Variants in ARID4B observed in about 807,000 individuals in gnomAD.
ARID4B encodes the protein AT-rich interaction domain 4B.
A neutral mutation model predicts 147.5 loss-of-function variants in ARID4B; 26 were observed. The observed-to-expected ratio is 0.18, with a 90% confidence interval of 0.13 to 0.24. The LOEUF is 0.24. Among genes scored for constraint, ARID4B ranks in the 10% least tolerant of loss-of-function variants. The probability of loss-of-function intolerance (pLI) is 1.00; values close to 1 mark genes in which losing one functional copy is unlikely to be tolerated. For synonymous variants in ARID4B, 512 were observed against 507.9 expected (o/e 1.01, Z -0.11); for missense variants, 1,179 against 1,511.5 (o/e 0.78, Z 3.65).
chr1:235,189,399 C>CAAAAAAAAA (rs11299121), intron 19 of ARID4B, among the ~76,000 whole-genome samples: 1 of 58,910 alleles, frequency 1.7e-5, no homozygotes, highest in African/African-American at 8.1e-5. Flanking sequence ...GACTCAGTCT[C>CAAAAAAAAA]AAAAAAAAAA....
chr1:235,320,314 G>A (rs1674737070), intron 2 of ARID4B, among the ~76,000 whole-genome samples: 1 of 151,970 alleles, frequency 6.6e-6, no homozygotes, highest in South Asian at 2.1e-4. Flanking sequence ...CAAAAGAAAA[G>A]GAGGGAGGGC....
chr1:235,295,645 A>G (rs774738159), intron 2 of ARID4B, among the ~76,000 whole-genome samples: 1 of 151,426 alleles, frequency 6.6e-6, no homozygotes, highest in Admixed American at 6.6e-5. Flanking sequence ...CCCTGACTCT[A>G]CTAAAAATAC....
In ARID4B at chr1:235,319,690, C is replaced by G. The variant is rs144312408; in HGVS notation, c.6+7224G>C. Among the ~76,000 whole-genome samples, 366 of 152,126 alleles carry G rather than the reference C, an allele frequency of 2.4e-3. 2 individuals carry two copies. The highest frequency in any genetic ancestry group is 7.5e-3 in the African/African-American group (310 of 41,494). ...CCAAGAATCCCATCTACCAACTAATCACAGCAAAAAGACTTTTTTAAAAAA... is the reference window on the plus strand; with the variant it reads ...CCAAGAATCCCATCTACCAACTAATGACAGCAAAAAGACTTTTTTAAAAAA... On this transcript the variant is annotated intron_variant, in intron 2 of 23. Transcript: ENST00000264183.
At chr1:235,222,045 GA>G (rs1164608952) in intron 13 of ARID4B, among the ~76,000 whole-genome samples, 1 of 151,632 alleles carries the variant, frequency 6.6e-6, no homozygotes, top group East Asian at 1.9e-4. Flanking sequence ...AAGTAGCTGG[GA>G]CTATAGATGC....
rs768600040 is a variant in ARID4B, at chr1:235,221,886, A to ATTTTTTTTTTTTTTTT, written c.1066-240_1066-225dup. ...TGTTGAAATATTAAGTCATTTGACT[A>ATTTTTTTTTTTTTTTT]TTTTTTTTTTTTTTTTTTTTTTTTT... On this transcript the variant is annotated intron_variant, in intron 13 of 23. Transcript: ENST00000264183. Among the ~76,000 whole-genome samples, 8 of 53,658 alleles carry ATTTTTTTTTTTTTTTT rather than the reference A, an allele frequency of 1.5e-4. 1 individual carries two copies. The highest frequency in any genetic ancestry group is 3.5e-4 in the African/African-American group (4 of 11,560). 35.2% of individuals were successfully genotyped at this position (53,658 alleles called of 152,430 possible).
At position 235,167,467 on chromosome 1, in the gene ARID4B, A is replaced by C. The variant is rs1663046550; in HGVS notation, c.*1058T>G. ...TACAAGTGAAAACAATTTTGCATTC[A>C]TTTTGGATTTTATACAAGGCATTTA... On this transcript the variant is annotated 3_prime_UTR_variant, in exon 24 of 24. Coordinates refer to ENST00000264183, the MANE Select transcript of ARID4B (RefSeq NM_016374.6). 1 of 222,466 alleles carries C rather than the reference A, an allele frequency of 4.5e-6. No individual in the cohort carries two copies. The highest frequency in any genetic ancestry group is 1.8e-4 in the South Asian group (1 of 5,440). The allele number at this position is 222,466 out of a possible 1,614,324, so 13.8% of individuals were successfully genotyped here.
chr1:235,221,674 A>G lies in ARID4B; in HGVS notation c.1066-12T>C. On this transcript the variant is annotated splice_polypyrimidine_tract_variant and intron_variant, in intron 13 of 23. Coordinates refer to ENST00000264183, the MANE Select transcript of ARID4B (RefSeq NM_016374.6). Reference sequence around the variant, plus strand: ...GCTCCACTTTCAATCTAATGGACAAAGTGAAACAAAAACTCTCAAATTAAA... The same window carrying G: ...GCTCCACTTTCAATCTAATGGACAAGGTGAAACAAAAACTCTCAAATTAAA... 6.7e-7 allele frequency: 1 copy of G among 1,493,756 alleles called. No individual in the cohort carries two copies. The highest frequency in any genetic ancestry group is 9.3e-7 in the Non-Finnish European group (1 of 1,075,544). The allele number at this position is 1,493,756 out of a possible 1,614,324, so 92.5% of individuals were successfully genotyped here. A position where few individuals can be genotyped will look rare whatever the true frequency, so the allele number is the denominator to read the frequency against.
chr1:235,302,935 C>CTTTTTTTT (rs71172294), intron 2 of ARID4B, among the ~76,000 whole-genome samples: 109 of 149,952 alleles, frequency 7.3e-4, no homozygotes, highest in African/African-American at 2.5e-3. Context: ...TTCTTTTTTT[C>CTTTTTTTT]TTTTTTTTGA....
rs375028341 is a variant in ARID4B at position 235,219,770 on chromosome 1, G to A, written c.1583+23C>T. The stretch of plus-strand genomic sequence containing the variant: ...AGAATCCATCAAGCTGAAATGCATC[G>A]TAACCAAAAACAATTTTCTTACCCA... On this transcript the variant is annotated intron_variant, in intron 16 of 23. Transcript: ENST00000264183. 3.8e-5 allele frequency: 60 copies of A among 1,568,652 alleles called. 1 individual carries two copies. In the Admixed American group the frequency reaches 4.3e-4, roughly 11 times the overall value.
intron 8 of ARID4B, among the ~76,000 whole-genome samples, chr1:235,236,279 T>C (rs1419172613): frequency 6.6e-6 from 1 of 152,110 alleles, no homozygotes; most frequent in African/African-American, 2.4e-5. Flanking sequence ...TGGGAGGAGA[T>C]AACATACATC....
At chr1:235,247,364 G>A (rs960477579) in intron 6 of ARID4B, among the ~76,000 whole-genome samples, 1 of 152,120 alleles carries the variant, frequency 6.6e-6, no homozygotes, top group Non-Finnish European at 1.5e-5. Flanking sequence ...AAAAAGAAAT[G>A]TTATATAACT....
intron 3 of ARID4B, among the ~76,000 whole-genome samples, chr1:235,260,025 T>G (rs956831534): frequency 6.6e-6 from 1 of 152,220 alleles, no homozygotes; most frequent in Non-Finnish European, 1.5e-5. Context: ...TATATTCAAG[T>G]TCACTTGTCT....
intron 2 of ARID4B, among the ~76,000 whole-genome samples, chr1:235,281,529 C>A (rs968861771): frequency 4.0e-5 from 6 of 151,766 alleles, no homozygotes; most frequent in Non-Finnish European, 1.5e-5. Context: ...CCAGCCTGGG[C>A]AACAGAGCGA....
Position 235,257,104 on chromosome 1 carries a change from G to C in ARID4B, c.183+56C>G. 3 of 1,182,884 alleles carry C rather than the reference G, an allele frequency of 2.5e-6. 1 individual carries two copies. Among genetic ancestry groups the C allele is most frequent in the Non-Finnish European group, 3.8e-6 (3 of 792,062 alleles). 73.3% of individuals were successfully genotyped at this position (1,182,884 alleles called of 1,614,324 possible). On this transcript the variant is annotated intron_variant, in intron 4 of 23. Coordinates refer to ENST00000264183, the MANE Select transcript of ARID4B (RefSeq NM_016374.6). ...AAAAGAGCCAATGAATTAATACCAA[G>C]TATGATTATTTTTTCCCAAACAACC...
chr1:235,225,318 A>C (rs1354725240), intron 11 of ARID4B, among the ~76,000 whole-genome samples: 1 of 152,208 alleles, frequency 6.6e-6, no homozygotes. Flanking sequence ...TTTGATCTAC[A>C]ATACCTGAAG....
intron 12 of ARID4B, 144 bp from the exon 13 acceptor site, chr1:235,223,404 T>C (rs1317869886): frequency 1.4e-4 from 14 of 102,328 alleles, no homozygotes; most frequent in Non-Finnish European, 3.8e-5. Context: ...TATGTGTGTG[T>C]ATATATACAT....
At chr1:235,172,798 T>C in intron 22 of ARID4B, 34 bp from the exon 23 acceptor site, 27 of 1,469,680 alleles carry the variant, frequency 1.8e-5, no homozygotes, top group Non-Finnish European at 2.4e-5. Context: ...ACAGACATTT[T>C]TAAAGAAAAT....
At chr1:235,302,326 A>C (rs1455208272) in intron 2 of ARID4B, among the ~76,000 whole-genome samples, 1 of 84,346 alleles carries the variant, frequency 1.2e-5, no homozygotes, top group Non-Finnish European at 2.2e-5. Flanking sequence ...GAAGAGAAGG[A>C]GGGGAAAGGA....
intron 2 of ARID4B, among the ~76,000 whole-genome samples, chr1:235,273,858 T>C (rs937186236): frequency 2.0e-5 from 3 of 152,350 alleles, no homozygotes; most frequent in East Asian, 1.9e-4. Context: ...CTTTTCCCTA[T>C]GTAAACTAGT....
Sources: gnomAD v4.1 joint callset for allele counts (sites outside exome capture counted in the v4.1 genomes callset) on GRCh38, gnomAD v4.1.1 for gene constraint, MANE v1.5 for transcripts, NCBI Gene and HGNC (gene_info 2026-07-23, HGNC 2026-07-21) for gene names.